Variants in AFF4 observed in about 807,000 individuals in gnomAD.
AFF4 encodes AF4/FMR2 family member 4.
A neutral mutation model predicts 124.8 loss-of-function variants in AFF4; 13 were observed. The observed-to-expected ratio is 0.10, with a 90% CI of 0.07 to 0.17. The LOEUF (loss-of-function observed/expected upper bound fraction) is 0.17, where lower values mean the gene tolerates loss of function less well. Among genes scored for constraint, AFF4 ranks in the 10% least tolerant of loss-of-function variants. The pLI is 1.00. For missense variants in AFF4, 1,092 were observed against 1,403.8 expected, an observed-to-expected ratio of 0.78 and a Z score of 3.55; for synonymous variants, 477 against 496.1, an observed-to-expected ratio of 0.96 and a Z score of 0.51.
At chr5:132,950,334 G>A (rs1228531056) in intron 1 of AFF4, among the ~76,000 whole-genome samples, 1 of 152,234 alleles carries the variant, frequency 6.6e-6, no homozygotes, top group African/African-American at 2.4e-5. Flanking sequence ...AATTAGCCAG[G>A]AATGGTGGCA....
intron 5 of AFF4, chr5:132,926,888 A>T (rs1417155584): frequency 2.4e-6 from 1 of 421,286 alleles, no homozygotes; most frequent in Non-Finnish European, 4.3e-6. Context: ...TCTCTCTCGC[A>T]TATTGCCTTC....
At chr5:132,955,715 T>C (rs1438129177) in intron 1 of AFF4, among the ~76,000 whole-genome samples, 1 of 146,050 alleles carries the variant, frequency 6.8e-6, no homozygotes, top group Non-Finnish European at 1.5e-5. Context: ...AAGGCAGAGG[T>C]TGCAGTGAGC....
intron 1 of AFF4, among the ~76,000 whole-genome samples, chr5:132,958,428 T>G (rs1561515833): frequency 7.9e-6 from 1 of 126,104 alleles, no homozygotes. Flanking sequence ...ATCACATCAC[T>G]GCACTCCAGC....
chr5:132,947,201 A>C (rs1761720136), intron 1 of AFF4, among the ~76,000 whole-genome samples: 1 of 152,146 alleles, frequency 6.6e-6, no homozygotes, highest in African/African-American at 2.4e-5. Flanking sequence ...TCAGGAGTTC[A>C]AGACCAGCCT....
intron 5 of AFF4, among the ~76,000 whole-genome samples, chr5:132,919,629 C>A (rs919367810): frequency 1.8e-4 from 27 of 152,150 alleles, no homozygotes; most frequent in Non-Finnish European, 3.5e-4. Flanking sequence ...GCAGGTGGAT[C>A]ATTTAAGCTT....
intron 5 of AFF4, among the ~76,000 whole-genome samples, chr5:132,917,358 G>T (rs1002939723): frequency 6.6e-6 from 1 of 152,100 alleles, no homozygotes; most frequent in Non-Finnish European, 1.5e-5. Context: ...AGGAATAGAA[G>T]AATTTCCTCA....
chr5:132,935,066 T>C (rs1465493521), intron 2 of AFF4, 125 bp from the exon 3 acceptor site: 4 of 690,308 alleles, frequency 5.8e-6, no homozygotes, highest in East Asian at 5.8e-5. Flanking sequence ...TTACCTCATA[T>C]CTTAACGTTA....
At chr5:132,959,370 T>G (rs1581343657) in intron 1 of AFF4, among the ~76,000 whole-genome samples, 1 of 152,140 alleles carries the variant, frequency 6.6e-6, no homozygotes, top group Non-Finnish European at 1.5e-5. Flanking sequence ...TCCGCCCACC[T>G]TGGCCTCCCA....
chr5:132,886,854 T>C (rs1760131671), intron 17 of AFF4, among the ~76,000 whole-genome samples: 1 of 152,230 alleles, frequency 6.6e-6, no homozygotes, highest in South Asian at 2.1e-4. Context: ...GGTCTTCTTT[T>C]AGTTCCTTGA....
chr5:132,908,258 T>C (rs990024499), intron 5 of AFF4, among the ~76,000 whole-genome samples: 5 of 152,118 alleles, frequency 3.3e-5, no homozygotes, highest in African/African-American at 1.2e-4. Context: ...TTAAATACCA[T>C]TTTTAGAGTA....
intron 5 of AFF4, among the ~76,000 whole-genome samples, chr5:132,909,397 C>A (rs1321844915): frequency 6.6e-6 from 1 of 152,180 alleles, no homozygotes; most frequent in Non-Finnish European, 1.5e-5. Context: ...CCCGCCTCAG[C>A]CTCCCCAGGT....
At chr5:132,919,826 G>A (rs1760999917) in intron 5 of AFF4, among the ~76,000 whole-genome samples, 1 of 151,984 alleles carries the variant, frequency 6.6e-6, no homozygotes, top group African/African-American at 2.4e-5. Flanking sequence ...CTCCAGCCTG[G>A]GTGACAGAGT....
intron 1 of AFF4, among the ~76,000 whole-genome samples, chr5:132,944,776 A>C (rs1001773775): frequency 1.3e-5 from 2 of 151,640 alleles, no homozygotes; most frequent in African/African-American, 4.8e-5. Context: ...CTAAAAATAC[A>C]AAAATTAGCC....
chr5:132,886,238 G>A lies in AFF4; in HGVS notation c.3099+72C>T, dbSNP rs932974021. The A allele has an allele frequency of 6.7e-6, 9 of 1,337,270 alleles. No individual in the cohort carries two copies. The African/African-American group carries it at 1.3e-4, about 19-fold the overall frequency. 82.8% of individuals were successfully genotyped at this position (1,337,270 alleles called of 1,614,324 possible). ...TGTGTTTTGCATAAACATGAGGGCA[G>A]TTCTCAGATGGGGATGGGAGACTAC... On this transcript the variant is annotated intron_variant, in intron 18 of 20. Coordinates refer to ENST00000265343, the MANE Select transcript of AFF4 (RefSeq NM_014423.4).
rs1383561672 is a variant in AFF4, at chr5:132,900,781, CT to C, written c.1134-1141del. 8.6e-5 allele frequency: 71 copies of C among 821,164 alleles called. 1 individual carries two copies. In the South Asian group the frequency reaches 3.1e-3, roughly 36 times the overall value. 50.9% of individuals were successfully genotyped at this position (821,164 alleles called of 1,614,324 possible). A position where few individuals can be genotyped will look rare whatever the true frequency, so the allele number is the denominator to read the frequency against. ...TAACAGTCCACAAAACATTCCTTGT[CT>C]TTTTACATGGGAGGAAAAATTAATA... On this transcript the variant is annotated intron_variant, in intron 7 of 20. Transcript: ENST00000265343.
chr5:132,898,059 C>G (rs1345633560), intron 10 of AFF4, among the ~76,000 whole-genome samples, 171 bp downstream of exon 10: 2 of 152,194 alleles, frequency 1.3e-5, no homozygotes, highest in African/African-American at 4.8e-5. Context: ...CGAATTTGTT[C>G]AAACAACAAG....
intron 1 of AFF4, among the ~76,000 whole-genome samples, chr5:132,954,868 T>C (rs1255829878): frequency 6.6e-6 from 1 of 152,168 alleles, no homozygotes; most frequent in Non-Finnish European, 1.5e-5. Context: ...CTTTTATCAT[T>C]TGCTGTCCAC....
chr5:132,905,649 AAAAACAAAAC>A lies in AFF4; in HGVS notation c.1051-1255_1051-1246del, dbSNP rs554118687. Among the ~76,000 whole-genome samples the A allele has an allele frequency of 2.0e-4, 31 of 152,332 alleles. No individual in the cohort carries two copies. In the East Asian group the frequency reaches 5.6e-3, roughly 27 times the overall value. On this transcript the variant is annotated intron_variant, in intron 5 of 20. Coordinates refer to ENST00000265343, the MANE Select transcript of AFF4 (RefSeq NM_014423.4). ...CTGGGCCTTTATATCACATCATATT[AAAAACAAAAC>A]AAAACAAAACAAAAAACTCAAGAAG...
At chr5:132,897,875 T>C (rs77554816) in intron 10 of AFF4, among the ~76,000 whole-genome samples, 3,320 of 152,282 alleles carry the variant, frequency 0.022, 62 homozygotes, top group Non-Finnish European at 0.032. Flanking sequence ...TTAACTGCAA[T>C]TTAACAAGCT....
Sources: gnomAD v4.1 joint callset for allele counts (sites outside exome capture counted in the v4.1 genomes callset) on GRCh38, gnomAD v4.1.1 for gene constraint, MANE v1.5 for transcripts, NCBI Gene and HGNC (gene_info 2026-07-23, HGNC 2026-07-21) for gene names.